The following DLC1 variants were observed in gnomAD, a reference collection of about 807,000 sequenced individuals.
The protein encoded by DLC1 is DLC1 Rho GTPase activating protein.
In DLC1, 54 loss-of-function variants were observed where a neutral mutation model predicts 140.3. The ratio of observed to expected loss-of-function variants is 0.38; its 90% confidence interval spans 0.31 to 0.48. DLC1 has a LOEUF of 0.48. Among genes scored for constraint, DLC1 ranks in the 20% least tolerant of loss-of-function variants. The pLI, the probability that DLC1 is intolerant of heterozygous loss-of-function variation, is 0.96. For synonymous variants in DLC1, 986 were observed against 728.1 expected (o/e 1.35, Z -5.70); for missense variants, 2,536 against 1,907.0 (o/e 1.33, Z -6.14).
chr8:13,372,583 C>G (rs180745647), intron 4 of DLC1, among the ~76,000 whole-genome samples: 55 of 152,304 alleles, frequency 3.6e-4, no homozygotes, highest in African/African-American at 1.2e-3. Flanking sequence ...TTGCTGACAT[C>G]TGAGTTACTA....
intron 5 of DLC1, among the ~76,000 whole-genome samples, chr8:13,230,989 G>T (rs1231949811): frequency 1.3e-5 from 2 of 152,040 alleles, no homozygotes; most frequent in Non-Finnish European, 1.5e-5. Context: ...CTTTACTTGT[G>T]GTGTGGAGAA....
In DLC1 at chr8:13,468,811, CTTTTT is replaced by C. The variant is rs78775803; in HGVS notation, c.1023+30233_1023+30237del. Among the ~76,000 whole-genome samples, 133 of 89,942 alleles carry C rather than the reference CTTTTT, an allele frequency of 1.5e-3. 1 individual carries two copies. Among genetic ancestry groups the C allele is most frequent in the African/African-American group, 6.1e-3 (123 of 20,154 alleles). The allele number at this position is 89,942 out of a possible 152,430, so 59.0% of individuals were successfully genotyped here. A position where few individuals can be genotyped will look rare whatever the true frequency, so the allele number is the denominator to read the frequency against. On this transcript the variant is annotated intron_variant, in intron 2 of 17. Transcript: ENST00000276297. ...GTTGATTCTCCCAATTTTATGTCTG[CTTTTT>C]TTTTTTTTTTTTTTTTTTTTTTTAA... is the stretch of plus-strand genomic sequence containing the variant.
chr8:13,547,710 C>G (rs1042832282), intron 1 of DLC1, among the ~76,000 whole-genome samples: 1 of 152,044 alleles, frequency 6.6e-6, no homozygotes, highest in Non-Finnish European at 1.5e-5. Context: ...CGACTAATAA[C>G]AAAATATTTA....
chr8:13,409,496 AG>A (rs1837697354), intron 2 of DLC1, among the ~76,000 whole-genome samples: 1 of 152,178 alleles, frequency 6.6e-6, no homozygotes, highest in Non-Finnish European at 1.5e-5. Flanking sequence ...TTTTAGTGGA[AG>A]TAGTTCCAAA....
At chr8:13,482,138 C>T (rs1011825586) in intron 2 of DLC1, among the ~76,000 whole-genome samples, 5 of 151,922 alleles carry the variant, frequency 3.3e-5, no homozygotes, top group South Asian at 2.1e-4. Context: ...TTAGGACAGC[C>T]CAAGAAAATG....
chr8:13,590,369 A>T (rs1050324016), intron 1 of DLC1, among the ~76,000 whole-genome samples: 1 of 152,032 alleles, frequency 6.6e-6, no homozygotes, highest in Non-Finnish European at 1.5e-5. Context: ...CTTTGGAAGG[A>T]ACATTGTATT....
chr8:13,539,415 T>G (rs1162053934), intron 1 of DLC1, among the ~76,000 whole-genome samples: 1 of 152,126 alleles, frequency 6.6e-6, no homozygotes, highest in African/African-American at 2.4e-5. Context: ...TTAGCCAAGA[T>G]GGTCTCAATC....
At chr8:13,471,941 A>G (rs1349067869) in intron 2 of DLC1, among the ~76,000 whole-genome samples, 1 of 152,168 alleles carries the variant, frequency 6.6e-6, no homozygotes, top group African/African-American at 2.4e-5. Context: ...CACTCTGGGG[A>G]CCACAAAAAT....
At chr8:13,402,258 T>A (rs1837332166) in intron 2 of DLC1, among the ~76,000 whole-genome samples, 1 of 152,220 alleles carries the variant, frequency 6.6e-6, no homozygotes, top group African/African-American at 2.4e-5. Context: ...TTACTTATTC[T>A]CAGTTCTCTG....
intron 2 of DLC1, among the ~76,000 whole-genome samples, chr8:13,475,994 C>T (rs1164812866): frequency 1.3e-5 from 2 of 152,220 alleles, no homozygotes; most frequent in Non-Finnish European, 2.9e-5. Flanking sequence ...TGAAACTAAA[C>T]TTCCACAAGA....
At chr8:13,578,943 G>A (rs73212148) in intron 1 of DLC1, among the ~76,000 whole-genome samples, 3,274 of 152,022 alleles carry the variant, frequency 0.022, 44 homozygotes, top group Middle Eastern at 0.037. Flanking sequence ...GGTTGAGGGG[G>A]TGGGGCTGAA....
chr8:13,128,399 A>G (rs896171960), intron 5 of DLC1, among the ~76,000 whole-genome samples: 1 of 152,114 alleles, frequency 6.6e-6, no homozygotes, highest in Admixed American at 6.5e-5. Flanking sequence ...GGGACTCACA[A>G]AAAATTTGTC....
At chr8:13,204,517 C>T (rs1242237117) in intron 5 of DLC1, among the ~76,000 whole-genome samples, 1 of 152,118 alleles carries the variant, frequency 6.6e-6, no homozygotes. Flanking sequence ...ATAATAATTA[C>T]AGATGGAGAC....
chr8:13,543,412 T>C (rs1229337889), intron 1 of DLC1, among the ~76,000 whole-genome samples: 3 of 152,184 alleles, frequency 2.0e-5, no homozygotes, highest in African/African-American at 7.2e-5. Flanking sequence ...TTTGATATAA[T>C]GACTTCTTTT....
chr8:13,322,765 A>G (rs930587373), intron 4 of DLC1, among the ~76,000 whole-genome samples: 1 of 152,228 alleles, frequency 6.6e-6, no homozygotes, highest in African/African-American at 2.4e-5. Flanking sequence ...GGCAATTCTC[A>G]TAGAGCTTGC....
intron 5 of DLC1, among the ~76,000 whole-genome samples, chr8:13,157,511 A>C (rs962934379): frequency 8.5e-5 from 13 of 152,132 alleles, no homozygotes; most frequent in Admixed American, 8.5e-4. Context: ...AAAAATAAGA[A>C]ATCTTTGGTA....
chr8:13,235,434 A>G (rs1417934765), intron 5 of DLC1, among the ~76,000 whole-genome samples: 5 of 152,076 alleles, frequency 3.3e-5, no homozygotes, highest in Admixed American at 1.3e-4. Flanking sequence ...GAAAATGTGT[A>G]TATTCAATAT....
intron 5 of DLC1, among the ~76,000 whole-genome samples, chr8:13,188,558 T>G (rs1354941206): frequency 2.0e-5 from 3 of 148,852 alleles, no homozygotes; most frequent in Non-Finnish European, 4.5e-5. Flanking sequence ...TACAAGGAAG[T>G]TTATTATTTT....
intron 1 of DLC1, among the ~76,000 whole-genome samples, chr8:13,597,027 C>G (rs975665465): frequency 2.6e-5 from 4 of 151,846 alleles, no homozygotes; most frequent in African/African-American, 9.7e-5. Context: ...TGACGTCATC[C>G]TGTTCCTCAT....
Sources: gnomAD v4.1 joint callset for allele counts (sites outside exome capture counted in the v4.1 genomes callset) on GRCh38, gnomAD v4.1.1 for gene constraint, MANE v1.5 for transcripts, NCBI Gene and HGNC (gene_info 2026-07-23, HGNC 2026-07-21) for gene names.